Variants in PLGRKT observed in about 807,000 individuals in gnomAD.
PLGRKT encodes plasminogen receptor (KT).
Under a neutral mutation model 18.5 loss-of-function variants are expected in PLGRKT, and 22 were observed. The ratio of observed to expected loss-of-function variants is 1.19; its 90% CI spans 0.85 to 1.70. The LOEUF is 1.70. Ranked by LOEUF, PLGRKT falls within the 40% of genes most tolerant of loss-of-function variation. The pLI is 0.00. For synonymous variants in PLGRKT, 72 were observed against 52.8 expected (o/e 1.36, Z -1.58); for missense variants, 235 against 174.4 (o/e 1.35, Z -1.96).
intron 2 of PLGRKT, among the ~76,000 whole-genome samples, chr9:5,436,357 G>C (rs995106068): frequency 6.6e-6 from 1 of 152,170 alleles, no homozygotes; most frequent in African/African-American, 2.4e-5. Flanking sequence ...ACATAGGAGT[G>C]GATGACTAAA....
intron 3 of PLGRKT, among the ~76,000 whole-genome samples, chr9:5,391,910 G>A (rs573001692): frequency 3.9e-5 from 6 of 151,990 alleles, no homozygotes; most frequent in Admixed American, 1.3e-4. Context: ...GCAGAAGTAG[G>A]GATGGGCATG....
Position 5,418,800 on chromosome 9 carries a change from C to A in PLGRKT, c.81+13097G>T. 1 of 897,976 alleles carries A rather than the reference C, an allele frequency of 1.1e-6. No homozygotes were observed. The highest frequency in any genetic ancestry group is 1.9e-5 in the Admixed American group (1 of 51,560). The allele number at this position is 897,976 out of a possible 1,614,324, so 55.6% of individuals were successfully genotyped here. On this transcript the variant is annotated intron_variant, in intron 3 of 5. Transcript: ENST00000223864. This position sits in a 1 kb window ranked among gnomAD's most constrained non-coding sequence, Gnocchi z 4.2. The stretch of plus-strand genomic sequence containing the variant: ...GCTGCGACACGGAGAAGTCAGGGGG[C>A]AGCTTGGTGACACCGCTGCACCAGG...
chr9:5,362,342 A>G (rs1817285751), intron 3 of PLGRKT, among the ~76,000 whole-genome samples: 2 of 152,172 alleles, frequency 1.3e-5, no homozygotes, highest in African/African-American at 4.8e-5. Flanking sequence ...CCACAATATC[A>G]TAGTAGATGG....
Position 5,392,092 on chromosome 9 carries a change from G to C in PLGRKT, c.82-30204C>G, listed in dbSNP as rs548711199. Among the ~76,000 whole-genome samples the C allele has an allele frequency of 1.5e-3, 229 of 152,072 alleles. 4 individuals are homozygous for C. Among genetic ancestry groups the C allele is most frequent in the African/African-American group, 4.8e-3 (199 of 41,336 alleles). On this transcript the variant is annotated intron_variant, in intron 3 of 5. Coordinates refer to ENST00000223864, the MANE Select transcript of PLGRKT (RefSeq NM_018465.4). Reference sequence around the variant, plus strand: ...AGGCAGCAACAAGGCTAAGCATGCTGAACACACTGGGACAAATTGAGTTTT... The same window carrying C: ...AGGCAGCAACAAGGCTAAGCATGCTCAACACACTGGGACAAATTGAGTTTT...
intron 2 of PLGRKT, among the ~76,000 whole-genome samples, chr9:5,434,528 TTGTC>T (rs1324377876): frequency 2.2e-5 from 3 of 134,152 alleles, no homozygotes; most frequent in South Asian, 5.1e-4. Flanking sequence ...CGGCTGCTCT[TTGTC>T]TGGGAGGTGG....
intron 3 of PLGRKT, among the ~76,000 whole-genome samples, chr9:5,386,494 C>T (rs186181575): frequency 6.6e-5 from 10 of 151,550 alleles, no homozygotes; most frequent in Admixed American, 5.9e-4. Flanking sequence ...CAGTGGACCC[C>T]CACACACACA....
At chr9:5,374,684 T>C (rs766607328) in intron 3 of PLGRKT, among the ~76,000 whole-genome samples, 39 of 152,200 alleles carry the variant, frequency 2.6e-4, no homozygotes, top group African/African-American at 4.1e-4. Flanking sequence ...GCTAAATAAT[T>C]TTAGGCAAGT....
In PLGRKT at chr9:5,418,376, A is replaced by C; in HGVS notation, c.81+13521T>G. On this transcript the variant is annotated intron_variant, in intron 3 of 5. Transcript: ENST00000223864. This position sits in a 1 kb window ranked among gnomAD's most constrained non-coding sequence, Gnocchi z 4.2. ...CTTCCCTGCAGCCCTCTCCAGCCACAAGATGTCACAGTCAAGCGCTTAGAA... is the reference window on the plus strand; with the variant it reads ...CTTCCCTGCAGCCCTCTCCAGCCACCAGATGTCACAGTCAAGCGCTTAGAA... 1 of 757,588 alleles carries C rather than the reference A, an allele frequency of 1.3e-6. No individual in the cohort carries two copies. 46.9% of individuals were successfully genotyped at this position (757,588 alleles called of 1,614,324 possible).
At chr9:5,419,984 A>G (rs1818543638) in intron 3 of PLGRKT, among the ~76,000 whole-genome samples, 1 of 152,258 alleles carries the variant, frequency 6.6e-6, no homozygotes. Flanking sequence ...ATATCCACCA[A>G]CATATGACTA....
At chr9:5,393,036 T>A (rs1817979040) in intron 3 of PLGRKT, among the ~76,000 whole-genome samples, 1 of 151,552 alleles carries the variant, frequency 6.6e-6, no homozygotes, top group South Asian at 2.1e-4. Context: ...GAGACAGGAT[T>A]TCACCATGTT....
intron 3 of PLGRKT, chr9:5,381,901 G>C (rs897908047): frequency 3.0e-6 from 3 of 984,870 alleles, no homozygotes; most frequent in South Asian, 4.7e-5. Flanking sequence ...AATCACAGAG[G>C]GACCACATCA....
chr9:5,424,980 T>C (rs1268311984), intron 3 of PLGRKT, among the ~76,000 whole-genome samples: 4 of 152,068 alleles, frequency 2.6e-5, no homozygotes, highest in Non-Finnish European at 5.9e-5. Context: ...AACACCAAAG[T>C]CTAACAACAG....
At chr9:5,391,561 C>T (rs1312078270) in intron 3 of PLGRKT, among the ~76,000 whole-genome samples, 3 of 151,804 alleles carry the variant, frequency 2.0e-5, no homozygotes, top group African/African-American at 7.3e-5. Flanking sequence ...CTGGTGTAGA[C>T]CGAACTCTGC....
upstream of PLGRKT, among the ~76,000 whole-genome samples, chr9:5,438,115 A>G (rs1411248091): frequency 6.6e-6 from 1 of 152,164 alleles, no homozygotes; most frequent in Non-Finnish European, 1.5e-5. Flanking sequence ...TGGAATTCTC[A>G]ATTAAAGGCC....
intron 3 of PLGRKT, among the ~76,000 whole-genome samples, chr9:5,426,805 C>T (rs1034868007): frequency 6.6e-6 from 1 of 152,142 alleles, no homozygotes; most frequent in Non-Finnish European, 1.5e-5. Flanking sequence ...AGCAGACTTG[C>T]TCATCACTCA....
chr9:5,367,568 T>C (rs1448231651), intron 3 of PLGRKT, among the ~76,000 whole-genome samples: 1 of 152,030 alleles, frequency 6.6e-6, no homozygotes, highest in East Asian at 1.9e-4. Context: ...CCCCTACCTA[T>C]CACCATATAC....
chr9:5,415,762 C>A (rs1229351291), intron 3 of PLGRKT, among the ~76,000 whole-genome samples: 1 of 151,622 alleles, frequency 6.6e-6, no homozygotes, highest in Non-Finnish European at 1.5e-5. Context: ...TTGAACAAAC[C>A]CAAAGTAAGA....
intron 3 of PLGRKT, among the ~76,000 whole-genome samples, chr9:5,371,266 C>G (rs1184954688): frequency 6.6e-6 from 1 of 152,170 alleles, no homozygotes; most frequent in African/African-American, 2.4e-5. Context: ...GAGCAGCTGA[C>G]AGAACCTAGG....
At chr9:5,417,878 T>C (rs182076969) in intron 3 of PLGRKT, among the ~76,000 whole-genome samples, 4 of 152,270 alleles carry the variant, frequency 2.6e-5, no homozygotes, top group East Asian at 1.9e-4. Context: ...AGCAACTAAA[T>C]GAAGACTGAG....
Sources: allele counts gnomAD v4.1 joint callset (sites outside exome capture counted in the v4.1 genomes callset), GRCh38; gene constraint gnomAD v4.1.1; non-coding constraint Gnocchi (gnomAD v3.1); transcripts MANE v1.5; gene names NCBI Gene and HGNC (gene_info 2026-07-23, HGNC 2026-07-21).